CSMD3: variants seen among roughly 807,000 people sequenced by gnomAD.
CSMD3 encodes the protein CUB and sushi domain-containing protein 3.
Under a neutral mutation model 435.2 loss-of-function variants are expected in CSMD3, and 177 were observed. The ratio of observed to expected loss-of-function variants is 0.41; its 90% CI spans 0.36 to 0.46. CSMD3 has a LOEUF of 0.46. Ranked by LOEUF, CSMD3 falls within the 20% of genes least tolerant of loss-of-function variation. The pLI, the probability that CSMD3 is intolerant of heterozygous loss-of-function variation, is 0.34. For synonymous variants in CSMD3, 1,656 were observed against 1,520.5 expected (o/e 1.09, Z -2.07); for missense variants, 4,265 against 4,504.6 (o/e 0.95, Z 1.52).
intron 5 of CSMD3, among the ~76,000 whole-genome samples, chr8:113,088,975 A>T (rs145344260): frequency 1.3e-5 from 2 of 152,218 alleles, no homozygotes; most frequent in African/African-American, 4.8e-5. Flanking sequence ...CATTAAACAC[A>T]TATTTTTCTT....
chr8:112,968,530 T>C (rs1383600462), intron 7 of CSMD3, among the ~76,000 whole-genome samples: 2 of 151,826 alleles, frequency 1.3e-5, no homozygotes, highest in Non-Finnish European at 3.0e-5. Context: ...TGTCTTATGG[T>C]TCCCTACACT....
At chr8:112,446,433 T>G (rs770425806) in intron 32 of CSMD3, among the ~76,000 whole-genome samples, 13 of 152,250 alleles carry the variant, frequency 8.5e-5, no homozygotes, top group Non-Finnish European at 1.6e-4. Context: ...ATAAGAATTT[T>G]TACTTTAAAT....
intron 1 of CSMD3, among the ~76,000 whole-genome samples, chr8:113,344,518 C>T (rs945174414): frequency 6.6e-6 from 1 of 152,142 alleles, no homozygotes; most frequent in Non-Finnish European, 1.5e-5. Context: ...TGTGAAATTT[C>T]ACTTCTCTCA....
intron 65 of CSMD3, among the ~76,000 whole-genome samples, chr8:112,242,270 C>A (rs930948808): frequency 5.3e-5 from 8 of 151,948 alleles, no homozygotes; most frequent in African/African-American, 1.9e-4. Context: ...AAACCAAAAC[C>A]AAAGGTAGTC....
At chr8:112,538,908 T>C (rs1033616322) in intron 27 of CSMD3, 1 of 152,208 alleles carries the variant, frequency 6.6e-6, no homozygotes, top group African/African-American at 2.4e-5. Context: ...ACAAAGAAGA[T>C]GAAAACCTCA....
Position 112,351,178 on chromosome 8 carries a change from A to C in CSMD3, c.6322T>G (p.Leu2108Val), listed in dbSNP as rs552746978. The C allele has an allele frequency of 6.3e-7, 1 of 1,588,858 alleles. No homozygotes were observed. The highest frequency in any genetic ancestry group is 1.1e-5 in the South Asian group (1 of 90,558). Residue 2108 changes from leucine to valine, a missense_variant, in exon 40 of 71, where the codon TTA (leucine) becomes GTA (valine). By Grantham distance (32) the Leu-to-Val change is conservative. Coordinates refer to ENST00000297405, the MANE Select transcript of CSMD3 (RefSeq NM_198123.2). The part of the protein sequence containing the change: ...RRWNYPIPIC[L>V]AQCGGAMSDF... ...ACTTTATAGTCTTTTAACTTACCTA[A>C]ACAAATTGGGATTGGATAATTCCAT...
Position 112,535,468 on chromosome 8 carries a change from T to C in CSMD3, c.4564+15203A>G, listed in dbSNP as rs561698637. On this transcript the variant is annotated intron_variant, in intron 27 of 70. Transcript: ENST00000297405. ...ACCTAGGAATCCAACTTACAAGGGA[T>C]GTGAAGGACCTCTTCAAGGAGAACT... Among the ~76,000 whole-genome samples the C allele has an allele frequency of 9.2e-5, 14 of 151,422 alleles. No individual in the cohort carries two copies. In the South Asian group the frequency reaches 1.7e-3, roughly 18 times the overall value.
chr8:112,414,019 C>T (rs1811638143), intron 32 of CSMD3, among the ~76,000 whole-genome samples: 1 of 152,104 alleles, frequency 6.6e-6, no homozygotes, highest in South Asian at 2.1e-4. Flanking sequence ...GTGGTTTGGC[C>T]AGAATCCCCC....
chr8:112,757,478 A>C (rs188731257), intron 13 of CSMD3, among the ~76,000 whole-genome samples: 1 of 152,186 alleles, frequency 6.6e-6, no homozygotes, highest in East Asian at 1.9e-4. Flanking sequence ...ATCTTCTTTC[A>C]TTCTTTTTTA....
At chr8:112,414,180 T>C (rs1013197188) in intron 32 of CSMD3, among the ~76,000 whole-genome samples, 12 of 152,334 alleles carry the variant, frequency 7.9e-5, no homozygotes, top group Admixed American at 7.8e-4. Flanking sequence ...CATATGCCTA[T>C]CTTGATACTT....
At chr8:113,250,769 TATTACAGA>T (rs911993211) in intron 3 of CSMD3, among the ~76,000 whole-genome samples, 1 of 152,092 alleles carries the variant, frequency 6.6e-6, no homozygotes, top group Admixed American at 6.6e-5. Context: ...ATCTCTCAAA[TATTACAGA>T]ATTTAATGGG....
In CSMD3 at chr8:112,724,396, T is replaced by C. The variant is rs547410652; in HGVS notation, c.1973-34346A>G. On this transcript the variant is annotated intron_variant, in intron 13 of 70. Transcript: ENST00000297405. The stretch of plus-strand genomic sequence containing the variant: ...TAGAGGTGGTGATAAAGGATTGAAT[T>C]CCAGACATGTTTTCAAAGTGAAGCC... 1.4e-4 allele frequency among the ~76,000 whole-genome samples: 22 copies of C among 152,142 alleles called. No individual in the cohort carries two copies. The East Asian group carries it at 4.1e-3, about 28-fold the overall frequency.
chr8:112,377,030 A>G (rs1293289872), intron 38 of CSMD3, among the ~76,000 whole-genome samples: 9 of 152,098 alleles, frequency 5.9e-5, no homozygotes, highest in Admixed American at 1.3e-4. Context: ...ATCTATTTTT[A>G]TGATGAAAAG....
chr8:112,841,148 AT>A (rs2080168514), intron 11 of CSMD3, among the ~76,000 whole-genome samples: 1 of 151,652 alleles, frequency 6.6e-6, no homozygotes, highest in Non-Finnish European at 1.5e-5. Context: ...AAGAGGAACT[AT>A]TTAGATATCA....
chr8:113,121,636 T>G (rs1340799375), intron 4 of CSMD3, among the ~76,000 whole-genome samples: 1 of 152,032 alleles, frequency 6.6e-6, no homozygotes, highest in Non-Finnish European at 1.5e-5. Flanking sequence ...ACAAAAATAT[T>G]CAAGAAGTAA....
At chr8:112,436,808 T>G (rs1814406687) in intron 32 of CSMD3, among the ~76,000 whole-genome samples, 1 of 152,028 alleles carries the variant, frequency 6.6e-6, no homozygotes, top group Non-Finnish European at 1.5e-5. Flanking sequence ...TCTACTGAAA[T>G]GCTGACATTT....
At chr8:112,553,584 G>A (rs756596210) in intron 25 of CSMD3, among the ~76,000 whole-genome samples, 25 of 152,134 alleles carry the variant, frequency 1.6e-4, no homozygotes, top group Non-Finnish European at 2.1e-4. Flanking sequence ...TCAGGCACTT[G>A]TGCATGAGAA....
rs1372147059 is a variant in CSMD3 at position 113,016,284 on chromosome 8, C to CT, written c.1030+2782dup. On this transcript the variant is annotated intron_variant, in intron 6 of 70. Coordinates refer to ENST00000297405, the MANE Select transcript of CSMD3 (RefSeq NM_198123.2). ...ACTTTTGAATTGATATAGAACTATG[C>CT]TTTTTAGCATGCTATTCTCAGTCTC... 2.6e-5 allele frequency among the ~76,000 whole-genome samples: 4 copies of CT among 151,790 alleles called. No individual in the cohort carries two copies. In the East Asian group the frequency reaches 7.8e-4, roughly 29 times the overall value.
Position 112,241,935 on chromosome 8 carries a change from C to T in CSMD3, c.10403-150G>A, listed in dbSNP as rs1340479798. ...CATAGATAGTTTTCTCTAAAATGTT[C>T]CGTTCATCACAACATCTCAGTCCCC... On this transcript the variant is annotated intron_variant, in intron 65 of 70. Coordinates refer to ENST00000297405, the MANE Select transcript of CSMD3 (RefSeq NM_198123.2). 4 of 700,374 alleles carry T rather than the reference C, an allele frequency of 5.7e-6. No homozygotes were observed. The African/African-American group carries it at 7.0e-5, about 12-fold the overall frequency. 43.4% of individuals were successfully genotyped at this position (700,374 alleles called of 1,614,324 possible).
Sources: gnomAD v4.1 joint callset for allele counts (sites outside exome capture counted in the v4.1 genomes callset) on GRCh38, gnomAD v4.1.1 for gene constraint, MANE v1.5 for transcripts, NCBI Gene and HGNC (gene_info 2026-07-23, HGNC 2026-07-21) for gene names.